The following CCDC154 variants were observed in gnomAD, a reference collection of about 807,000 sequenced individuals.
CCDC154 encodes coiled-coil domain-containing protein 154.
In CCDC154, 91 loss-of-function variants were observed where a neutral mutation model predicts 87.5. That is an observed-to-expected ratio of 1.04 (90% CI 0.88 to 1.24). The LOEUF is 1.24. Among genes scored for constraint, CCDC154 ranks in the 50% most tolerant of loss-of-function variants. CCDC154 has a pLI of 0.00. For synonymous variants in CCDC154, 418 were observed against 400.4 expected (o/e 1.04, Z -0.52); for missense variants, 903 against 879.2 (o/e 1.03, Z -0.34).
chr16:1,444,443 G>T lies in CCDC154; in HGVS notation c.-121C>A, dbSNP rs2038592355. The T allele has an allele frequency of 1.9e-6, 2 of 1,051,350 alleles. No homozygotes were observed. Among genetic ancestry groups the T allele is most frequent in the East Asian group, 6.1e-5 (1 of 16,294 alleles). 65.1% of individuals were successfully genotyped at this position (1,051,350 alleles called of 1,614,324 possible). Reference sequence around the variant, plus strand: ...AGGAGCCAGAGGAAGTCCCGTGAGAGCTCTGGGCCTTGAGGGACGAGCTGC... The same window carrying T: ...AGGAGCCAGAGGAAGTCCCGTGAGATCTCTGGGCCTTGAGGGACGAGCTGC... On this transcript the variant is annotated 5_prime_UTR_variant, in exon 1 of 17. Transcript: ENST00000389176.
chr16:1,441,426 C>T (rs35861311), intron 6 of CCDC154, among the ~76,000 whole-genome samples: 9,857 of 152,306 alleles, frequency 0.065, 418 homozygotes, highest in Non-Finnish European at 0.094. Context: ...CTGCAGTCCC[C>T]GGTCTCTATT....
rs1451986844 is a variant in CCDC154, at chr16:1,438,182, G to T, written c.1026-6C>A. On this transcript the variant is annotated splice_region_variant and splice_polypyrimidine_tract_variant and intron_variant, in intron 9 of 16. Transcript: ENST00000389176. The stretch of plus-strand genomic sequence containing the variant: ...CCAAGCGCCCCTTGGCGTCCCTAGG[G>T]GTTGGGGACACATAGACACCCTCAG... The T allele has an allele frequency of 5.9e-6, 9 of 1,532,032 alleles. No individual in the cohort carries two copies. The highest frequency in any genetic ancestry group is 7.9e-6 in the Non-Finnish European group (9 of 1,137,844). The allele number at this position is 1,532,032 out of a possible 1,614,324, so 94.9% of individuals were successfully genotyped here. A position where few individuals can be genotyped will look rare whatever the true frequency, so the allele number is the denominator to read the frequency against.
In CCDC154 at chr16:1,434,859, G is replaced by C. The variant is rs1340546755; in HGVS notation, c.1693-7C>G. ...TGGCCATCTCCTGCGTGCGCTGTGG[G>C]ACGGGGATGCTGGTGTCACCCAGGA... On this transcript the variant is annotated splice_region_variant and splice_polypyrimidine_tract_variant and intron_variant, in intron 15 of 16. Transcript: ENST00000389176. 2.0e-6 allele frequency: 3 copies of C among 1,490,956 alleles called. No individual in the cohort carries two copies. Among genetic ancestry groups the C allele is most frequent in the Non-Finnish European group, 2.7e-6 (3 of 1,121,730 alleles). 92.4% of individuals were successfully genotyped at this position (1,490,956 alleles called of 1,614,324 possible).
intron 6 of CCDC154, 81 bp from the exon 7 acceptor site, chr16:1,439,207 G>T: frequency 1.6e-6 from 2 of 1,251,790 alleles, no homozygotes; most frequent in Non-Finnish European, 2.3e-6. Context: ...GTCTCCATCA[G>T]AGTTGGAGTC....
At chr16:1,434,979 G>T in intron 15 of CCDC154, 110 bp downstream of exon 15, 1 of 1,407,714 alleles carries the variant, frequency 7.1e-7, no homozygotes, top group Non-Finnish European at 9.5e-7. Flanking sequence ...CCCATGGCCA[G>T]ACACTTGGAC....
chr16:1,435,023 G>A (rs902031129), intron 15 of CCDC154, 66 bp downstream of exon 15: 101 of 1,485,116 alleles, frequency 6.8e-5, no homozygotes, highest in Non-Finnish European at 9.1e-5. Context: ...AGGGCAGGCG[G>A]GGAGGCGGCA....
At chr16:1,436,843 C>A in intron 11 of CCDC154, 32 bp from the exon 12 acceptor site, 1 of 1,549,354 alleles carries the variant, frequency 6.5e-7, no homozygotes, top group Non-Finnish European at 8.7e-7. Context: ...AGGGACAAAG[C>A]CAAGAGAGGG....
rs187036308 is a variant in CCDC154 at position 1,434,812 on chromosome 16, C to T, written c.1733G>A (p.Arg578Gln). ...EMATLWESVLRLWSEEGPRTP... is the reference protein window; with the variant it reads ...EMATLWESVLQLWSEEGPRTP... ...CCGCGGGCCCTCCTCACTCCACAGC[C>T]GGAGCACACTCTCCCACAGGGTGGC... Residue 578 changes from arginine (R) to glutamine (Q), a missense_variant, in exon 16 of 17, where the codon CGG becomes CAG. Arg to Gln is a conservative substitution (Grantham distance 43, BLOSUM62 1). Transcript: ENST00000389176. 8 of 1,534,856 alleles carry T rather than the reference C, an allele frequency of 5.2e-6. No individual in the cohort carries two copies. Among genetic ancestry groups the T allele is most frequent in the East Asian group, 2.4e-5 (1 of 40,860 alleles).
At chr16:1,444,286 C>T in intron 1 of CCDC154, 30 bp downstream of exon 1, 2 of 1,301,564 alleles carry the variant, frequency 1.5e-6, no homozygotes, top group South Asian at 2.5e-5. Flanking sequence ...GCAAGCCCCT[C>T]CCTGGGCCCC....
chr16:1,438,176 C>T lies in CCDC154; in HGVS notation c.1026G>A (p.Trp342Ter). ...TTTCCTCCAAGCGCCCCTTGGCGTC[C>T]CTAGGGGTTGGGGACACATAGACAC... is the stretch of plus-strand genomic sequence containing the variant. The part of the protein sequence containing the change: ...NRVLLAEEKA[W>*]DAKGRLEESR... Residue 342 changes from tryptophan to a stop codon, truncating the protein, a stop_gained and splice_region_variant, in exon 10 of 17, where the codon TGG becomes TGA. Transcript: ENST00000389176. LOFTEE classifies it high-confidence loss of function. The T allele has an allele frequency of 1.3e-6, 2 of 1,537,496 alleles. No homozygotes were observed. The highest frequency in any genetic ancestry group is 1.8e-6 in the Non-Finnish European group (2 of 1,140,280).
At chr16:1,436,883 G>A in intron 11 of CCDC154, 72 bp from the exon 12 acceptor site, 1 of 1,526,148 alleles carries the variant, frequency 6.6e-7, no homozygotes, top group South Asian at 1.2e-5. Flanking sequence ...ACGGACACGG[G>A]GAGCTCTGGG....
intron 13 of CCDC154, 22 bp from the exon 14 acceptor site, chr16:1,436,108 G>A: frequency 6.5e-7 from 1 of 1,542,480 alleles, no homozygotes; most frequent in Admixed American, 2.0e-5. Context: ...AGAGGCCGAG[G>A]CTGGCTGTCG....
At position 1,434,601 on chromosome 16, in the gene CCDC154, G is replaced by A. The variant is rs936840598; in HGVS notation, c.1877+67C>T. The A allele has an allele frequency of 2.7e-6, 4 of 1,502,062 alleles. No individual in the cohort carries two copies. The African/African-American group carries it at 5.7e-5, about 21-fold the overall frequency. The allele number at this position is 1,502,062 out of a possible 1,614,324, so 93.0% of individuals were successfully genotyped here. A position where few individuals can be genotyped will look rare whatever the true frequency, so the allele number is the denominator to read the frequency against. ...ACCCCCCATGGCCCACCTGCTGCCT[G>A]TGGGCCCCCAGCCCTGAACCCCGGC... On this transcript the variant is annotated intron_variant, in intron 16 of 16. Coordinates refer to ENST00000389176, the MANE Select transcript of CCDC154 (RefSeq NM_001143980.3).
rs957207110 is a variant in CCDC154, at chr16:1,434,781, C to T, written c.1764G>A (p.Pro588=). The part of the protein sequence containing the change: ...RLWSEEGPRT[P]LGSWKALPSL... ...ATGGGAGCGCCTTCCAGCTGCCCAG[C>T]GGCGTCCGCGGGCCCTCCTCACTCC... is the stretch of plus-strand genomic sequence containing the variant. Residue 588 remains proline (P), a synonymous_variant, in exon 16 of 17, where the codon CCG becomes CCA. Transcript: ENST00000389176. The T allele has an allele frequency of 7.8e-6, 12 of 1,541,960 alleles. No individual in the cohort carries two copies. The highest frequency in any genetic ancestry group is 4.9e-5 in the East Asian group (2 of 40,910).
Position 1,434,701 on chromosome 16 carries a change from G to T in CCDC154, c.1844C>A (p.Pro615His). The T allele has an allele frequency of 6.5e-7, 1 of 1,546,978 alleles. No individual in the cohort carries two copies. Among genetic ancestry groups the T allele is most frequent in the Non-Finnish European group, 8.7e-7 (1 of 1,146,770 alleles). ...CTGGTACACGCCCCAGCAGTTCATG[G>T]GCACCACCTTGCCAGGCGCCATGTC... ...IKDMAPGKVV[P>H]MNCWGVYQAV... The change falls in exon 16 of 17, where the codon CCC becomes CAC. Residue 615 changes from proline to histidine, a missense_variant. Pro to His is a moderately conservative substitution (Grantham distance 77). Transcript: ENST00000389176.
chr16:1,440,815 G>C (rs1372113250), intron 6 of CCDC154, among the ~76,000 whole-genome samples: 2 of 152,160 alleles, frequency 1.3e-5, no homozygotes, highest in East Asian at 3.9e-4. Context: ...GCCGGGCGTG[G>C]TGGTGGGCGC....
Position 1,438,632 on chromosome 16 carries a change from C to G in CCDC154, c.1012G>C (p.Glu338Gln). The G allele has an allele frequency of 6.5e-7, 1 of 1,549,984 alleles. No homozygotes were observed. The highest frequency in any genetic ancestry group is 8.7e-7 in the Non-Finnish European group (1 of 1,146,696). ...QASLNRVLLA[E>Q]EKAWDAKGRL... is the part of the protein sequence containing the mutation. ...CAGGACACCCACCAGGCTTTCTCCTCGGCCAGTAGGACACGGTTCAGCGAC... is the reference window on the plus strand; with the variant it reads ...CAGGACACCCACCAGGCTTTCTCCTGGGCCAGTAGGACACGGTTCAGCGAC... The change falls in exon 9 of 17, where the codon GAG becomes CAG. Residue 338 changes from glutamate to glutamine, a missense_variant. Physicochemically the swap from Glu to Gln is conservative, Grantham distance 29. Transcript: ENST00000389176.
At chr16:1,437,573 C>G (rs979252180) in intron 11 of CCDC154, 1 of 484,830 alleles carries the variant, frequency 2.1e-6, no homozygotes, top group Non-Finnish European at 3.6e-6. Context: ...GGCCGTGGGC[C>G]GAGGCTCCAG....
chr16:1,435,046 C>T (rs889545394), intron 15 of CCDC154, 43 bp downstream of exon 15: 18 of 1,522,500 alleles, frequency 1.2e-5, no homozygotes, highest in African/African-American at 4.1e-5. Flanking sequence ...GCTGAGGGAG[C>T]GGGTGGGAGC....
Sources: gnomAD v4.1 joint callset for allele counts (sites outside exome capture counted in the v4.1 genomes callset) on GRCh38, gnomAD v4.1.1 for gene constraint, MANE v1.5 for transcripts, NCBI Gene and HGNC (gene_info 2026-07-23, HGNC 2026-07-21) for gene names.